Variants in SULT1C3 observed in about 807,000 individuals in gnomAD.
SULT1C3 encodes the protein sulfotransferase family 1C member 3, also known as sulfotransferase 1C3.
Under a neutral mutation model 28.4 loss-of-function variants are expected in SULT1C3, and 31 were observed. The observed-to-expected ratio is 1.09, with a 90% CI of 0.82 to 1.47. SULT1C3 has a LOEUF of 1.47. Among genes scored for constraint, SULT1C3 ranks in the 40% most tolerant of loss-of-function variants. The probability of loss-of-function intolerance (pLI) is 0.00; values close to 1 mark genes in which losing one functional copy is unlikely to be tolerated. For missense variants in SULT1C3, 307 were observed against 272.5 expected, an observed-to-expected ratio of 1.13 and a Z score of -0.89; for synonymous variants, 106 against 92.2, an observed-to-expected ratio of 1.15 and a Z score of -0.86.
At chr2:108,243,905 A>G (rs1216737242) in intron 1 of SULT1C3, among the ~76,000 whole-genome samples, 2 of 152,198 alleles carry the variant, frequency 1.3e-5, no homozygotes, top group Non-Finnish European at 2.9e-5. Flanking sequence ...CCATTGTAAA[A>G]AGGCTGAGAG....
downstream of SULT1C3, among the ~76,000 whole-genome samples, chr2:108,261,586 G>A (rs547090153): frequency 6.6e-6 from 1 of 152,198 alleles, no homozygotes; most frequent in East Asian, 1.9e-4. Context: ...TAGGGAGTAG[G>A]TGGATGCCAA....
intron 7 of SULT1C3, among the ~76,000 whole-genome samples, chr2:108,260,323 TG>T (rs1012093303): frequency 6.6e-6 from 1 of 151,998 alleles, no homozygotes; most frequent in African/African-American, 2.4e-5. Flanking sequence ...TTCAGCACAG[TG>T]GGGCACCTCA....
chr2:108,257,696 G>A (rs557714945), intron 5 of SULT1C3, among the ~76,000 whole-genome samples: 21 of 152,052 alleles, frequency 1.4e-4, no homozygotes, highest in Non-Finnish European at 2.8e-4. Flanking sequence ...TTCACTCACA[G>A]TGCCTAATAT....
intron 5 of SULT1C3, 132 bp from the exon 6 acceptor site, chr2:108,258,602 A>C: frequency 1.6e-6 from 1 of 640,602 alleles, no homozygotes; most frequent in Non-Finnish European, 2.7e-6. Flanking sequence ...TTATTACTAG[A>C]AAATTATTTC....
At chr2:108,258,911 G>A in intron 6 of SULT1C3, 55 bp from the exon 7 acceptor site, 5 of 1,081,818 alleles carry the variant, frequency 4.6e-6, no homozygotes, top group Non-Finnish European at 6.8e-6. Context: ...TCTTTAATTG[G>A]CCAAGTTCTT....
chr2:108,247,881 T>C (rs1450608985), intron 2 of SULT1C3, among the ~76,000 whole-genome samples: 1 of 152,154 alleles, frequency 6.6e-6, no homozygotes, highest in Non-Finnish European at 1.5e-5. Context: ...GATTTCTAAT[T>C]CTTCTCTAAA....
chr2:108,264,980 C>T (rs1676102060), downstream of SULT1C3: 5 of 1,611,920 alleles, frequency 3.1e-6, no homozygotes, highest in Non-Finnish European at 4.2e-6. Flanking sequence ...TTATGGACCA[C>T]TCCATCTCCC....
chr2:108,252,910 C>T (rs1011980240), intron 3 of SULT1C3, among the ~76,000 whole-genome samples: 2 of 151,838 alleles, frequency 1.3e-5, no homozygotes, highest in Admixed American at 6.6e-5. Flanking sequence ...ATTGGGGGAG[C>T]TGAAAAGGTT....
chr2:108,260,322 G>A (rs973813475), intron 7 of SULT1C3, among the ~76,000 whole-genome samples: 2 of 152,110 alleles, frequency 1.3e-5, no homozygotes, highest in Admixed American at 6.6e-5. Context: ...ATTCAGCACA[G>A]TGGGGCACCT....
Position 108,260,674 on chromosome 2 carries a change from G to T in SULT1C3, c.909G>T (p.Glu303Asp), listed in dbSNP as rs574193440. 4.3e-6 allele frequency: 2 copies of T among 467,808 alleles called. No individual in the cohort carries two copies. The highest frequency in any genetic ancestry group is 1.5e-5 in the South Asian group (1 of 65,224). 29.0% of individuals were successfully genotyped at this position (467,808 alleles called of 1,614,324 possible). The change falls in exon 8 of 8, where the codon GAG becomes GAT. Residue 303 changes from glutamate (E) to aspartate (D), a missense_variant. Transcript: ENST00000681802. ...GGTCCACACTGAACTTCTGCCTGGA[G>T]ATCTGAGAGGAACAACAACAAACTA... The part of the protein sequence containing the change: ...MAGSTLNFCL[E>D]I
chr2:108,256,067 C>A (rs1227160740), intron 5 of SULT1C3, among the ~76,000 whole-genome samples: 1 of 151,968 alleles, frequency 6.6e-6, no homozygotes, highest in Non-Finnish European at 1.5e-5. Flanking sequence ...GCCAGACCAC[C>A]ACGTATAGTT....
intron 1 of SULT1C3, among the ~76,000 whole-genome samples, chr2:108,245,285 G>C (rs1675549053): frequency 6.6e-6 from 1 of 152,048 alleles, no homozygotes; most frequent in African/African-American, 2.4e-5. Flanking sequence ...TGACCTCCTA[G>C]ACTTGTGTGG....
intron 2 of SULT1C3, among the ~76,000 whole-genome samples, 169 bp from the exon 3 acceptor site, chr2:108,252,196 T>C (rs543844722): frequency 6.6e-6 from 1 of 151,982 alleles, no homozygotes; most frequent in Non-Finnish European, 1.5e-5. Context: ...GATGGATAGA[T>C]AGATGGATAG....
At position 108,247,244 on chromosome 2, in the gene SULT1C3, T is replaced by G; in HGVS notation, c.50T>G (p.Leu17Arg). ...CCCACGATGGAAAAAAAGCCAGAAC[T>G]GTTTAACATCATGGAAGTAGATGGA... is the stretch of plus-strand genomic sequence containing the variant. ...NAPTMEKKPE[L>R]FNIMEVDGVP... The change falls in exon 2 of 8, where the codon CTG becomes CGG. Residue 17 changes from leucine (L) to arginine (R), a missense_variant. Physicochemically the swap from Leu to Arg is moderately radical, Grantham distance 102 (BLOSUM62 -2). Transcript: ENST00000681802. 6.4e-7 allele frequency: 1 copy of G among 1,572,530 alleles called. No individual in the cohort carries two copies. Among genetic ancestry groups the G allele is most frequent in the South Asian group, 1.2e-5 (1 of 82,698 alleles).
chr2:108,260,541 G>A (rs751856797), intron 7 of SULT1C3, 27 bp from the exon 8 acceptor site: 1 of 504,574 alleles, frequency 2.0e-6, no homozygotes, highest in Non-Finnish European at 4.0e-6. Context: ...TGCAGAGTCT[G>A]TCATGAACTT....
chr2:108,248,739 A>G (rs1279627425), intron 2 of SULT1C3, among the ~76,000 whole-genome samples: 1 of 152,144 alleles, frequency 6.6e-6, no homozygotes, highest in Non-Finnish European at 1.5e-5. Flanking sequence ...GATAGGATGG[A>G]CAGAATTTTG....
chr2:108,244,750 G>A (rs2104382394), intron 1 of SULT1C3, among the ~76,000 whole-genome samples: 1 of 152,264 alleles, frequency 6.6e-6, no homozygotes, highest in Middle Eastern at 3.4e-3. Context: ...GAACTTGAAG[G>A]CACCCCCAAA....
chr2:108,265,035 A>G (rs187027336), downstream of SULT1C3: 10 of 1,581,214 alleles, frequency 6.3e-6, no homozygotes, highest in East Asian at 1.8e-4. Flanking sequence ...TAAGATGTCA[A>G]ATGGAACTCT....
downstream of SULT1C3, among the ~76,000 whole-genome samples, chr2:108,262,784 T>G (rs1313617968): frequency 6.6e-6 from 1 of 152,142 alleles, no homozygotes; most frequent in Non-Finnish European, 1.5e-5. Flanking sequence ...GTTCCTGGAC[T>G]AAACTGAGGG....
Sources: gnomAD v4.1 joint callset for allele counts (sites outside exome capture counted in the v4.1 genomes callset) on GRCh38, gnomAD v4.1.1 for gene constraint, MANE v1.5 for transcripts, NCBI Gene and HGNC (gene_info 2026-07-23, HGNC 2026-07-21) for gene names.